Variants in ERMP1 observed in about 807,000 individuals in gnomAD.
ERMP1 encodes the protein endoplasmic reticulum metallopeptidase 1.
Under a neutral mutation model 92.0 loss-of-function variants are expected in ERMP1, and 86 were observed. The ratio of observed to expected loss-of-function variants is 0.93; its 90% CI spans 0.79 to 1.12. ERMP1 has a LOEUF of 1.12. ERMP1 is among the 50% of genes most tolerant of loss of function. The pLI is 0.00. For synonymous variants in ERMP1, 530 were observed against 412.8 expected, an observed-to-expected ratio of 1.28 and a Z score of -3.44; for missense variants, 1,342 against 1,116.3, an observed-to-expected ratio of 1.20 and a Z score of -2.88.
At chr9:5,801,461 A>G in intron 10 of ERMP1, 133 bp from the exon 11 acceptor site, 1 of 715,492 alleles carries the variant, frequency 1.4e-6, no homozygotes, top group South Asian at 2.1e-5. Flanking sequence ...GTGCTAGCAT[A>G]CTCTAACATC....
At chr9:5,832,339 G>C (rs145474242) in intron 1 of ERMP1, 219 of 242,594 alleles carry the variant, frequency 9.0e-4, no homozygotes, top group African/African-American at 4.4e-3. Flanking sequence ...TTTCCATCTG[G>C]AAAGCAGAAG....
In ERMP1 at chr9:5,799,011, G is replaced by A. The variant is rs935845540; in HGVS notation, c.2068-3C>T. On this transcript the variant is annotated splice_region_variant and splice_polypyrimidine_tract_variant and intron_variant, in intron 11 of 14. Coordinates refer to ENST00000339450, the MANE Select transcript of ERMP1 (RefSeq NM_024896.3). ...TCATGGAATGTTCTAGTCATATGCT[G>A]AAAAAAAAAGACTAGTGAAAAAACT... 2.5e-6 allele frequency: 4 copies of A among 1,575,640 alleles called. No individual in the cohort carries two copies. Among genetic ancestry groups the A allele is most frequent in the Middle Eastern group, 1.7e-4 (1 of 5,854 alleles).
At chr9:5,832,596 G>C in intron 1 of ERMP1, 94 bp downstream of exon 1, 1 of 1,034,844 alleles carries the variant, frequency 9.7e-7, no homozygotes, top group Non-Finnish European at 1.3e-6. Context: ...CCAGCGGTCC[G>C]GCAGGGGCGG....
intron 12 of ERMP1, among the ~76,000 whole-genome samples, chr9:5,798,259 C>G (rs968787313): frequency 6.6e-6 from 1 of 152,010 alleles, no homozygotes; most frequent in South Asian, 2.1e-4. Context: ...TGTTGTTGCC[C>G]AGGCTGGAGT....
intron 6 of ERMP1, among the ~76,000 whole-genome samples, chr9:5,839,724 A>C (rs1376603759): frequency 6.6e-6 from 1 of 152,090 alleles, no homozygotes; most frequent in Non-Finnish European, 1.5e-5. Flanking sequence ...TTCGGGCTGC[A>C]TGACCTTCTT....
At position 5,798,860 on chromosome 9, in the gene ERMP1, T is replaced by A; in HGVS notation, c.2216A>T (p.Glu739Val). The change falls in exon 12 of 15, where the codon GAG becomes GTG. Residue 739 changes from glutamate to valine, a missense_variant. Transcript: ENST00000339450. ...INDSIRAHCE[E>V]NAPLCGFPWY... ...AGGAAAACCACAAAGAGGTGCATTC[T>A]CCTCACAGTGAGCTCGGATACTATC... 6 of 1,613,880 alleles carry A rather than the reference T, an allele frequency of 3.7e-6. No homozygotes were observed. The highest frequency in any genetic ancestry group is 5.1e-6 in the Non-Finnish European group (6 of 1,179,832).
At chr9:5,811,925 A>G (rs544734656) in intron 6 of ERMP1, among the ~76,000 whole-genome samples, 200 bp downstream of exon 6, 2 of 152,254 alleles carry the variant, frequency 1.3e-5, no homozygotes, top group African/African-American at 4.8e-5. Context: ...TTTCCTCACA[A>G]TGAATATTCC....
chr9:5,854,920 G>C (rs913318918), intron 6 of ERMP1, among the ~76,000 whole-genome samples: 4 of 152,088 alleles, frequency 2.6e-5, no homozygotes, highest in African/African-American at 9.7e-5. Context: ...AAAGACTTTG[G>C]GGGTTGCCAA....
At chr9:5,805,858 A>G in intron 8 of ERMP1, 73 bp from the exon 9 acceptor site, 1 of 1,122,670 alleles carries the variant, frequency 8.9e-7, no homozygotes, top group South Asian at 1.7e-5. Context: ...ATAGTAACAC[A>G]CTTTCCATCA....
At chr9:5,806,523 G>A (rs1252122661) in intron 8 of ERMP1, among the ~76,000 whole-genome samples, 4 of 151,660 alleles carry the variant, frequency 2.6e-5, no homozygotes, top group Admixed American at 2.6e-4. Context: ...AGCCTCCTGG[G>A]CTCAAGTGAT....
chr9:5,822,744 AT>A (rs1206181566), intron 4 of ERMP1, among the ~76,000 whole-genome samples: 1 of 152,194 alleles, frequency 6.6e-6, no homozygotes, highest in Non-Finnish European at 1.5e-5. Flanking sequence ...CCAATGTCAA[AT>A]TTTAGTATGC....
chr9:5,865,515 AATAAT>A (rs1563789628), intron 5 of ERMP1, among the ~76,000 whole-genome samples: 95 of 4,476 alleles, frequency 0.021, no homozygotes, highest in African/African-American at 0.044. Flanking sequence ...CTCAAAAAAT[AATAAT>A]AATAATAATA....
At chr9:5,857,614 G>C (rs1172989686) in intron 6 of ERMP1, among the ~76,000 whole-genome samples, 1 of 152,114 alleles carries the variant, frequency 6.6e-6, no homozygotes, top group Non-Finnish European at 1.5e-5. Context: ...CCCAACCAGA[G>C]GTCAGAATAA....
At chr9:5,833,205 G>T, upstream of ERMP1, 2 of 578,516 alleles carry the variant, frequency 3.5e-6, no homozygotes, top group South Asian at 2.7e-5. Context: ...GGCAGTTCTC[G>T]GGTGCACACA....
chr9:5,801,181 G>C lies in ERMP1; in HGVS notation c.2062C>G (p.Leu688Val). ...CCTCATGCAAAACTGCTCACCTGAA[G>C]AAACACTCTCTTTGGCTTCGGATTA... Reference protein sequence around the residue: ...PANPKPKRVFLQHMTRTFHDL... With the variant: ...PANPKPKRVFVQHMTRTFHDL... Residue 688 changes from leucine to valine, a missense_variant, in exon 11 of 15, where the codon CTT becomes GTT. Leu to Val is a conservative substitution (Grantham distance 32). Transcript: ENST00000339450. 6.2e-7 allele frequency: 1 copy of C among 1,610,944 alleles called. No homozygotes were observed. Among genetic ancestry groups the C allele is most frequent in the Non-Finnish European group, 8.5e-7 (1 of 1,178,914 alleles).
rs766539217 is a variant in ERMP1, at chr9:5,823,936, C to T, written c.834G>A (p.Glu278=). ...ASLIRAFINL[E]AAGVGGKELV... ...GTTCTTTCCCTCCTACACCTGCTGC[C>T]TCTAGGTTAATGAATGCACGAATCA... is the stretch of plus-strand genomic sequence containing the variant. Residue 278 remains glutamate (E), a synonymous_variant, in exon 4 of 15, where the codon GAG becomes GAA. Coordinates refer to ENST00000339450, the MANE Select transcript of ERMP1 (RefSeq NM_024896.3). 6.2e-7 allele frequency: 1 copy of T among 1,614,150 alleles called. No individual in the cohort carries two copies. The highest frequency in any genetic ancestry group is 1.7e-5 in the Admixed American group (1 of 60,022).
intron 10 of ERMP1, among the ~76,000 whole-genome samples, chr9:5,802,003 A>G (rs1165244874): frequency 6.6e-6 from 1 of 152,266 alleles, no homozygotes; most frequent in African/African-American, 2.4e-5. Flanking sequence ...TGTAAAGGAC[A>G]CACACGACTC....
chr9:5,788,843 C>G (rs187342538), intron 13 of ERMP1, among the ~76,000 whole-genome samples: 1 of 151,924 alleles, frequency 6.6e-6, no homozygotes, highest in Admixed American at 6.6e-5. Context: ...TTAAAAGGAC[C>G]GACTAGACTC....
chr9:5,839,544 T>C (rs1467190339), intron 6 of ERMP1, among the ~76,000 whole-genome samples: 1 of 152,206 alleles, frequency 6.6e-6, no homozygotes, highest in Non-Finnish European at 1.5e-5. Flanking sequence ...TCGATTGTTT[T>C]AGTGAACTAA....
Sources: allele counts gnomAD v4.1 joint callset (sites outside exome capture counted in the v4.1 genomes callset), GRCh38; gene constraint gnomAD v4.1.1; transcripts MANE v1.5; gene names NCBI Gene and HGNC (gene_info 2026-07-23, HGNC 2026-07-21).